Variants in ATP9A observed in about 807,000 individuals in gnomAD.
The protein encoded by ATP9A is probable phospholipid-transporting ATPase IIA.
A neutral mutation model predicts 144.1 loss-of-function variants in ATP9A; 52 were observed. That is an observed-to-expected ratio of 0.36 (90% CI 0.29 to 0.45). The LOEUF is 0.45. ATP9A is among the 20% of genes least tolerant of loss of function. The probability of loss-of-function intolerance (pLI) is 1.00; values close to 1 mark genes in which losing one functional copy is unlikely to be tolerated. For synonymous variants in ATP9A, 582 were observed against 557.4 expected, an observed-to-expected ratio of 1.04 and a Z score of -0.62; for missense variants, 947 against 1,392.7, an observed-to-expected ratio of 0.68 and a Z score of 5.09.
intron 1 of ATP9A, among the ~76,000 whole-genome samples, chr20:51,761,347 C>T (rs887926167): frequency 6.6e-5 from 10 of 152,212 alleles, no homozygotes; most frequent in Non-Finnish European, 1.3e-4. Flanking sequence ...ACCCAGGTGG[C>T]GGGCTTCCTG....
chr20:51,675,039 T>C (rs936509584), intron 10 of ATP9A, among the ~76,000 whole-genome samples: 1 of 152,156 alleles, frequency 6.6e-6, no homozygotes, highest in South Asian at 2.1e-4. Context: ...CTCAATCTCC[T>C]GGCCTCAGGT....
intron 13 of ATP9A, among the ~76,000 whole-genome samples, chr20:51,666,692 AAAAG>A (rs2077434578): frequency 4.0e-5 from 6 of 151,624 alleles, no homozygotes; most frequent in South Asian, 2.1e-4. Flanking sequence ...AAAAAAAAAA[AAAAG>A]AAAGAAAGAA....
intron 9 of ATP9A, among the ~76,000 whole-genome samples, chr20:51,680,143 T>C (rs558717379): frequency 4.7e-5 from 7 of 147,534 alleles, no homozygotes; most frequent in Admixed American, 3.4e-4. Context: ...CGCAGAAGAA[T>C]AGCTTGAACC....
intron 1 of ATP9A, 39 bp from the exon 2 acceptor site, chr20:51,730,017 G>GC (rs770450003): frequency 6.8e-7 from 1 of 1,468,894 alleles, no homozygotes; most frequent in South Asian, 1.5e-5. Context: ...CCACGCCCAC[G>GC]CATCGAGGCT....
chr20:51,637,230 G>A (rs989544578), intron 15 of ATP9A, among the ~76,000 whole-genome samples: 1 of 149,754 alleles, frequency 6.7e-6, no homozygotes, highest in Admixed American at 6.7e-5. Context: ...GGAGAAGAGT[G>A]GTGCAAAGAT....
At chr20:51,652,970 C>CGTG (rs2077372998) in intron 14 of ATP9A, among the ~76,000 whole-genome samples, 2 of 151,816 alleles carry the variant, frequency 1.3e-5, no homozygotes, top group Non-Finnish European at 2.9e-5. Context: ...AATAGCCGGG[C>CGTG]GTGGCAGCGT....
rs184333324 is a variant in ATP9A at position 51,719,000 on chromosome 20, C to A, written c.328-5926G>T. Among the ~76,000 whole-genome samples the A allele has an allele frequency of 4.1e-3, 618 of 151,194 alleles. 3 individuals carry two copies. The highest frequency in any genetic ancestry group is 9.7e-3 in the African/African-American group (400 of 41,162). ...AAAATTAGCTGGGCGTGGTGGTGCGCGCCTGTAGTCCCAGCTACTCAAGAG... is the reference window on the plus strand; with the variant it reads ...AAAATTAGCTGGGCGTGGTGGTGCGAGCCTGTAGTCCCAGCTACTCAAGAG... On this transcript the variant is annotated intron_variant, in intron 3 of 27. Transcript: ENST00000338821.
At chr20:51,656,491 T>C (rs1568805866) in intron 14 of ATP9A, among the ~76,000 whole-genome samples, 1 of 151,886 alleles carries the variant, frequency 6.6e-6, no homozygotes, top group African/African-American at 2.4e-5. Flanking sequence ...AGTGGGTGGT[T>C]GTAGTGAGCC....
chr20:51,763,954 G>A (rs920225945), intron 1 of ATP9A, among the ~76,000 whole-genome samples: 1 of 152,104 alleles, frequency 6.6e-6, no homozygotes, highest in East Asian at 1.9e-4. Context: ...AAAAAGCAGT[G>A]AAATTCATAT....
intron 4 of ATP9A, among the ~76,000 whole-genome samples, chr20:51,703,587 C>A (rs182177995): frequency 6.6e-6 from 1 of 152,292 alleles, no homozygotes; most frequent in African/African-American, 2.4e-5. Context: ...GACCCCCAAG[C>A]CTTTCATAAG....
rs2077215451 is a variant in ATP9A at position 51,619,046 on chromosome 20, G to A, written c.2116-3C>T. The A allele has an allele frequency of 1.2e-6, 2 of 1,612,556 alleles. No individual in the cohort carries two copies. Among genetic ancestry groups the A allele is most frequent in the Admixed American group, 3.3e-5 (2 of 59,988 alleles). On this transcript the variant is annotated splice_region_variant and splice_polypyrimidine_tract_variant and intron_variant, in intron 19 of 27. Coordinates refer to ENST00000338821, the MANE Select transcript of ATP9A (RefSeq NM_006045.3). ...TGAGCCTCCCCGCGGTTGGTCACCTGGAAGGGAACAGAGATGGGGAAGGAG... is the reference window on the plus strand; with the variant it reads ...TGAGCCTCCCCGCGGTTGGTCACCTAGAAGGGAACAGAGATGGGGAAGGAG...
chr20:51,642,726 C>CACAAAAAAAAAAA (rs2077325306), intron 14 of ATP9A, among the ~76,000 whole-genome samples: 2 of 31,110 alleles, frequency 6.4e-5, no homozygotes, highest in Admixed American at 9.3e-4. Flanking sequence ...ACTCTGTCTC[C>CACAAAAAAAAAAA]AAAAAAAAAA....
chr20:51,694,243 T>C (rs983968926), intron 6 of ATP9A, 141 bp from the exon 7 acceptor site: 12 of 599,792 alleles, frequency 2.0e-5, no homozygotes, highest in Non-Finnish European at 3.3e-5. Flanking sequence ...TCCTATCTCC[T>C]ACTTCTTCCA....
In ATP9A at chr20:51,694,037, C is replaced by A. The variant is rs1454726439; in HGVS notation, c.613G>T (p.Ala205Ser). The A allele has an allele frequency of 4.3e-6, 7 of 1,613,892 alleles. No individual in the cohort carries two copies. The highest frequency in any genetic ancestry group is 5.9e-6 in the Non-Finnish European group (7 of 1,179,996). ...ETDWKLRLPV[A>S]CTQRLPTAAD... Reference sequence around the variant, plus strand: ...GCCGTGGGGAGCCTCTGCGTGCAGGCCACGGGAAGCCGCAGCTTCCAGTCC... The same window carrying A: ...GCCGTGGGGAGCCTCTGCGTGCAGGACACGGGAAGCCGCAGCTTCCAGTCC... The change falls in exon 7 of 28, where the codon GCC becomes TCC. Residue 205 changes from alanine to serine, a missense_variant. Physicochemically the swap from Ala to Ser is moderately conservative, Grantham distance 99 (BLOSUM62 1). Coordinates refer to ENST00000338821, the MANE Select transcript of ATP9A (RefSeq NM_006045.3).
rs2077123339 is a variant in ATP9A at position 51,597,301 on chromosome 20, A to T, written c.*3910T>A. 1 of 152,134 alleles carries T rather than the reference A, an allele frequency of 6.6e-6. No individual in the cohort carries two copies. The highest frequency in any genetic ancestry group is 1.5e-5 in the Non-Finnish European group (1 of 68,034). The allele number at this position is 152,134 out of a possible 1,614,324, so 9.4% of individuals were successfully genotyped here. A position where few individuals can be genotyped will look rare whatever the true frequency, so the allele number is the denominator to read the frequency against. ...GCTTTGCAGGTTCATTCAAAACCAA[A>T]TTTTTTTCCAAGAAGAACTGGACAT... On this transcript the variant is annotated 3_prime_UTR_variant, in exon 28 of 28. Coordinates refer to ENST00000338821, the MANE Select transcript of ATP9A (RefSeq NM_006045.3).
At chr20:51,767,348 C>A (rs1218564973) in intron 1 of ATP9A, among the ~76,000 whole-genome samples, 6 of 152,182 alleles carry the variant, frequency 3.9e-5, no homozygotes, top group Non-Finnish European at 8.8e-5. Flanking sequence ...CTCTGATTGG[C>A]GGGTCTAGGC....
intron 13 of ATP9A, among the ~76,000 whole-genome samples, chr20:51,662,005 G>A (rs565005619): frequency 5.3e-4 from 81 of 152,222 alleles, no homozygotes; most frequent in Non-Finnish European, 1.5e-5. Flanking sequence ...AACTGTGAGG[G>A]GACAGGGGTA....
intron 1 of ATP9A, among the ~76,000 whole-genome samples, chr20:51,747,711 C>A (rs191418243): frequency 6.6e-6 from 1 of 152,224 alleles, no homozygotes; most frequent in East Asian, 1.9e-4. Flanking sequence ...CTGAGTCTTC[C>A]CTGTGGGTAT....
At position 51,597,092 on chromosome 20, in the gene ATP9A, T is replaced by A. The variant is rs1339505573; in HGVS notation, c.*4119A>T. 1 of 152,222 alleles carries A rather than the reference T, an allele frequency of 6.6e-6. No individual in the cohort carries two copies. Among genetic ancestry groups the A allele is most frequent in the African/African-American group, 2.4e-5 (1 of 41,450 alleles). 9.4% of individuals were successfully genotyped at this position (152,222 alleles called of 1,614,324 possible). On this transcript the variant is annotated 3_prime_UTR_variant, in exon 28 of 28. Coordinates refer to ENST00000338821, the MANE Select transcript of ATP9A (RefSeq NM_006045.3). ...ATAAATTAGCCATAATTTGTTTTTT[T>A]TGCAAATACCATGCCCCCCACCTGA...
Sources: allele counts gnomAD v4.1 joint callset (sites outside exome capture counted in the v4.1 genomes callset), GRCh38; gene constraint gnomAD v4.1.1; transcripts MANE v1.5; gene names NCBI Gene and HGNC (gene_info 2026-07-23, HGNC 2026-07-21).